The following NEK11 variants were observed in gnomAD, a reference collection of about 807,000 sequenced individuals.
NEK11 encodes NIMA related kinase 11, also known as serine/threonine-protein kinase Nek11.
A neutral mutation model predicts 80.7 loss-of-function variants in NEK11; 72 were observed. The ratio of observed to expected loss-of-function variants is 0.89; its 90% CI spans 0.74 to 1.08. The LOEUF is 1.08. Among genes scored for constraint, NEK11 ranks in the 50% least tolerant of loss-of-function variants. NEK11 has a pLI of 0.00. For missense variants in NEK11, 764 were observed against 763.6 expected (o/e 1.00, Z -0.01); for synonymous variants, 251 against 260.7 (o/e 0.96, Z 0.36).
In NEK11 at chr3:131,155,106, A is replaced by G; in HGVS notation, c.947A>G (p.His316Arg). The G allele has an allele frequency of 6.2e-7, 1 of 1,606,298 alleles. No individual in the cohort carries two copies. The highest frequency in any genetic ancestry group is 8.5e-7 in the Non-Finnish European group (1 of 1,172,916). Residue 316 changes from histidine (H) to arginine (R), a missense_variant, in exon 10 of 18, where the codon CAT (histidine) becomes CGT (arginine). By Grantham distance (29) the His-to-Arg change is conservative (BLOSUM62 0). Coordinates refer to ENST00000383366, the MANE Select transcript of NEK11 (RefSeq NM_024800.5). ...TTGGATTGTCAGAAGGAGGCTGCTC[A>G]TATAATTAATGCCATGTAAGTAATT... ...KNLDCQKEAAHIINAMQKRIH... is the reference protein window; with the variant it reads ...KNLDCQKEAARIINAMQKRIH...
At chr3:131,074,707 A>G (rs1370711297) in intron 3 of NEK11, among the ~76,000 whole-genome samples, 1 of 152,210 alleles carries the variant, frequency 6.6e-6, no homozygotes, top group African/African-American at 2.4e-5. Context: ...GGAAAAGGCA[A>G]TGCAGCAAGT....
intron 4 of NEK11, among the ~76,000 whole-genome samples, chr3:131,083,879 T>C (rs2075637205): frequency 6.6e-6 from 1 of 152,166 alleles, no homozygotes; most frequent in South Asian, 2.1e-4. Flanking sequence ...ATTTCAAATA[T>C]TGGTGTCTTC....
chr3:131,266,353 A>T (rs1178852580), intron 16 of NEK11, among the ~76,000 whole-genome samples: 1 of 152,208 alleles, frequency 6.6e-6, no homozygotes, highest in East Asian at 1.9e-4. Flanking sequence ...TTCATGCTAT[A>T]AATTTCCCTC....
intron 14 of NEK11, among the ~76,000 whole-genome samples, chr3:131,208,426 AG>A (rs2094508382): frequency 6.6e-6 from 1 of 152,228 alleles, no homozygotes; most frequent in Non-Finnish European, 1.5e-5. Context: ...CTTTTGGCTT[AG>A]GATTGTCTTA....
intron 3 of NEK11, among the ~76,000 whole-genome samples, chr3:131,067,676 T>A (rs563702037): frequency 1.3e-5 from 2 of 152,324 alleles, no homozygotes; most frequent in South Asian, 4.1e-4. Context: ...TTCTTGCTGG[T>A]CTTAATTTTT....
chr3:131,344,028 TTTTC>T (rs554956789), intron 17 of NEK11, among the ~76,000 whole-genome samples: 5 of 152,308 alleles, frequency 3.3e-5, no homozygotes, highest in Admixed American at 2.0e-4. Flanking sequence ...CAAAAAAGCT[TTTTC>T]TTTCTTTGTC....
intron 4 of NEK11, among the ~76,000 whole-genome samples, chr3:131,102,188 G>A (rs1054187421): frequency 3.3e-5 from 5 of 152,044 alleles, no homozygotes; most frequent in Non-Finnish European, 7.4e-5. Flanking sequence ...TACATTCAGG[G>A]TTATTATTAA....
At chr3:131,244,490 G>A (rs532574932) in intron 16 of NEK11, among the ~76,000 whole-genome samples, 1 of 152,118 alleles carries the variant, frequency 6.6e-6, no homozygotes, top group Admixed American at 6.6e-5. Context: ...TTCAATCTAG[G>A]CTCCTTAGAG....
chr3:131,229,086 T>C (rs1488463102), intron 15 of NEK11, among the ~76,000 whole-genome samples: 1 of 152,138 alleles, frequency 6.6e-6, no homozygotes, highest in South Asian at 2.1e-4. Flanking sequence ...TATTCACAAA[T>C]TGAATGCAAA....
chr3:131,053,342 T>C (rs188304550), intron 3 of NEK11: 5 of 152,348 alleles, frequency 3.3e-5, no homozygotes, highest in Admixed American at 6.5e-5. Context: ...GCTAAATTAA[T>C]AAAAGGCTAA....
intron 17 of NEK11, among the ~76,000 whole-genome samples, chr3:131,313,147 G>A (rs762435173): frequency 7.2e-4 from 109 of 152,128 alleles, no homozygotes; most frequent in Non-Finnish European, 8.2e-4. Context: ...TGCTGCAAAG[G>A]ACATGATCTC....
At chr3:131,229,931 A>C (rs1035846628) in intron 15 of NEK11, among the ~76,000 whole-genome samples, 2 of 152,018 alleles carry the variant, frequency 1.3e-5, no homozygotes, top group Admixed American at 1.3e-4. Context: ...CCGTTTCCCC[A>C]TTTTTTTCCA....
intron 14 of NEK11, among the ~76,000 whole-genome samples, chr3:131,175,493 C>T (rs1311436768): frequency 1.3e-5 from 2 of 152,110 alleles, no homozygotes; most frequent in East Asian, 1.9e-4. Context: ...AGAAGCCACA[C>T]GTAAAAGAGT....
At position 131,080,504 on chromosome 3, in the gene NEK11, C is replaced by G; in HGVS notation, c.252C>G (p.Ser84=). ...CCAATTTGGAAGCCCAACTCCTCTC[C>G]AAGCTGGACCACCCAGCCATTGTCA... The part of the protein sequence containing the change: ...VQANLEAQLL[S]KLDHPAIVKF... The change falls in exon 4 of 18, where the codon TCC becomes TCG. Residue 84 remains serine, a synonymous_variant. Transcript: ENST00000383366. 6.2e-7 allele frequency: 1 copy of G among 1,614,046 alleles called. No homozygotes were observed. Among genetic ancestry groups the G allele is most frequent in the South Asian group, 1.1e-5 (1 of 91,062 alleles).
At position 131,261,640 on chromosome 3, in the gene NEK11, G is replaced by A. The variant is rs77412855; in HGVS notation, c.1622-11838G>A. Among the ~76,000 whole-genome samples the A allele has an allele frequency of 2.2e-3, 339 of 152,234 alleles. 3 individuals are homozygous for A. The highest frequency in any genetic ancestry group is 4.3e-3 in the Admixed American group (66 of 15,276). On this transcript the variant is annotated intron_variant, in intron 16 of 17. Transcript: ENST00000383366. ...TGGTGAGAGAACTAAAAGAATAACT[G>A]TGGTCCCCTAACTTGAAGGTTATTG...
intron 17 of NEK11, among the ~76,000 whole-genome samples, chr3:131,315,584 G>A (rs2096830479): frequency 6.6e-6 from 1 of 150,592 alleles, no homozygotes; most frequent in Admixed American, 6.6e-5. Context: ...CGGGGTACAT[G>A]TGCAGGATGT....
chr3:131,032,339 G>T (rs1024502537), intron 3 of NEK11, among the ~76,000 whole-genome samples: 30 of 152,180 alleles, frequency 2.0e-4, no homozygotes, highest in Non-Finnish European at 4.4e-5. Flanking sequence ...ATTTGGGAAC[G>T]TTTGCTAACA....
chr3:131,170,992 T>C (rs2092652745), intron 14 of NEK11, 105 bp downstream of exon 14: 1 of 811,226 alleles, frequency 1.2e-6, no homozygotes, highest in Non-Finnish European at 2.2e-6. Flanking sequence ...AAGCTCTGAG[T>C]GTGTGCAGCT....
intron 17 of NEK11, among the ~76,000 whole-genome samples, chr3:131,335,464 A>C (rs1006577660): frequency 3.3e-5 from 5 of 152,232 alleles, no homozygotes; most frequent in African/African-American, 1.2e-4. Context: ...GATGGGACAT[A>C]TCTCAAAATA....
Sources: allele counts gnomAD v4.1 joint callset (sites outside exome capture counted in the v4.1 genomes callset), GRCh38; gene constraint gnomAD v4.1.1; transcripts MANE v1.5; gene names NCBI Gene and HGNC (gene_info 2026-07-23, HGNC 2026-07-21).